The following CFI variants were observed in gnomAD, a reference collection of about 807,000 sequenced individuals.
CFI encodes C3B/C4B inactivator.
CFI carries 66 observed loss-of-function variants against 78.8 expected under a neutral mutation model. That is an observed-to-expected ratio of 0.84 (90% CI 0.69 to 1.03). CFI has a LOEUF of 1.03. CFI is among the 50% of genes least tolerant of loss of function. The pLI is 0.00. For synonymous variants in CFI, 250 were observed against 232.6 expected, an observed-to-expected ratio of 1.07 and a Z score of -0.68; for missense variants, 706 against 704.5, an observed-to-expected ratio of 1.00 and a Z score of -0.02.
At chr4:109,783,668 T>C (rs1264830912) in intron 1 of CFI, among the ~76,000 whole-genome samples, 2 of 151,814 alleles carry the variant, frequency 1.3e-5, no homozygotes, top group Non-Finnish European at 2.9e-5. Flanking sequence ...GCAATCCCGC[T>C]ACTGGGTATC....
At chr4:109,744,429 A>G (rs773456294) in intron 11 of CFI, among the ~76,000 whole-genome samples, 4 of 152,162 alleles carry the variant, frequency 2.6e-5, no homozygotes, top group Non-Finnish European at 5.9e-5. Context: ...TCCTGCCCTA[A>G]GAGCCTGACC....
downstream of CFI, among the ~76,000 whole-genome samples, chr4:109,738,887 C>T (rs1326222606): frequency 1.3e-5 from 2 of 152,178 alleles, no homozygotes; most frequent in African/African-American, 2.4e-5. Flanking sequence ...TAACCAAATA[C>T]TTTCCTGAAT....
Position 109,746,217 on chromosome 4 carries a change from T to C in CFI, c.1429+5A>G, listed in dbSNP as rs771786368. 5.0e-6 allele frequency: 8 copies of C among 1,614,098 alleles called. No homozygotes were observed. In the South Asian group the frequency reaches 7.7e-5, roughly 16 times the overall value. On this transcript the variant is annotated splice_donor_5th_base_variant and intron_variant, in intron 11 of 12. Transcript: ENST00000394634. ...CTTCTGATTAACAAACTGTAAAACA[T>C]ATACCTTTTTCTCGTCCCCAGCCAG...
At chr4:109,792,643 T>A (rs1046492022) in intron 1 of CFI, among the ~76,000 whole-genome samples, 1 of 152,190 alleles carries the variant, frequency 6.6e-6, no homozygotes, top group African/African-American at 2.4e-5. Flanking sequence ...TTTTCATTCA[T>A]ATCTTTTGGG....
chr4:109,733,233 A>C, the CFI span, among the ~76,000 whole-genome samples: 9 of 152,186 alleles, frequency 5.9e-5, no homozygotes, highest in Non-Finnish European at 1.5e-5. Context: ...TTGGCCTCCC[A>C]AAGTGCTGGG....
At chr4:109,795,036 T>C (rs1472480771) in intron 1 of CFI, among the ~76,000 whole-genome samples, 1 of 151,930 alleles carries the variant, frequency 6.6e-6, no homozygotes, top group East Asian at 1.9e-4. Flanking sequence ...GTGGAACAAA[T>C]ATATGAGAAA....
intron 1 of CFI, among the ~76,000 whole-genome samples, chr4:109,770,455 C>T (rs1728424889): frequency 6.6e-6 from 1 of 151,574 alleles, no homozygotes; most frequent in Admixed American, 6.6e-5. Flanking sequence ...CCTCAGGAGG[C>T]TGAGGTAGGA....
intron 10 of CFI, among the ~76,000 whole-genome samples, 166 bp downstream of exon 10, chr4:109,749,052 G>A (rs774691594): frequency 2.0e-5 from 3 of 152,122 alleles, no homozygotes; most frequent in Non-Finnish European, 2.9e-5. Context: ...AGATTCTACG[G>A]GATTAGCCTC....
intron 2 of CFI, 65 bp from the exon 3 acceptor site, chr4:109,764,755 T>A: frequency 7.0e-7 from 1 of 1,432,152 alleles, no homozygotes; most frequent in African/African-American, 1.4e-5. Context: ...TAATTAAAAG[T>A]CTTTAAAAAT....
Position 109,760,119 on chromosome 4 carries a change from A to G in CFI, c.883+151T>C, listed in dbSNP as rs1169037286. ...ATTTAGCGGATGAAAATATGAGGAGATGAACATTCCATAGTTCTGCAAATG... is the reference window on the plus strand; with the variant it reads ...ATTTAGCGGATGAAAATATGAGGAGGTGAACATTCCATAGTTCTGCAAATG... On this transcript the variant is annotated intron_variant, in intron 6 of 12. Coordinates refer to ENST00000394634, the MANE Select transcript of CFI (RefSeq NM_000204.5). The G allele has an allele frequency of 2.4e-5, 17 of 708,546 alleles. No homozygotes were observed. The East Asian group carries it at 4.3e-4, about 18-fold the overall frequency. The allele number at this position is 708,546 out of a possible 1,614,324, so 43.9% of individuals were successfully genotyped here. A position where few individuals can be genotyped will look rare whatever the true frequency, so the allele number is the denominator to read the frequency against.
intron 1 of CFI, among the ~76,000 whole-genome samples, chr4:109,798,308 T>A (rs1003537569): frequency 6.6e-6 from 1 of 152,186 alleles, no homozygotes; most frequent in African/African-American, 2.4e-5. Flanking sequence ...GAGCACAATT[T>A]CTTTGTTAAG....
At chr4:109,779,903 G>T (rs959225204) in intron 1 of CFI, among the ~76,000 whole-genome samples, 3 of 152,084 alleles carry the variant, frequency 2.0e-5, no homozygotes, top group African/African-American at 7.2e-5. Context: ...TTTAATAAAT[G>T]GTGCTGGGAA....
chr4:109,769,105 C>T (rs1472688471), intron 1 of CFI, among the ~76,000 whole-genome samples: 2 of 152,142 alleles, frequency 1.3e-5, no homozygotes, highest in Non-Finnish European at 2.9e-5. Flanking sequence ...TTATTTATCA[C>T]CTTTATATTG....
intron 2 of CFI, among the ~76,000 whole-genome samples, chr4:109,766,013 G>A (rs745337570): frequency 1.5e-4 from 23 of 152,176 alleles, no homozygotes; most frequent in Middle Eastern, 6.8e-3. Flanking sequence ...AGCTACTCAG[G>A]AGGCTGAGGC....
At chr4:109,738,507 A>C (rs147464649), downstream of CFI, among the ~76,000 whole-genome samples, 163 of 152,302 alleles carry the variant, frequency 1.1e-3, no homozygotes, top group African/African-American at 3.5e-3. Flanking sequence ...AAATATGTCC[A>C]TAAATTCTTT....
At chr4:109,733,761 A>T in the CFI span, among the ~76,000 whole-genome samples, 1 of 152,242 alleles carries the variant, frequency 6.6e-6, no homozygotes, top group Non-Finnish European at 1.5e-5. Flanking sequence ...TTGCGGGAAA[A>T]TTTTAAAAAT....
chr4:109,775,836 C>A (rs1737398319), intron 1 of CFI, among the ~76,000 whole-genome samples: 1 of 152,184 alleles, frequency 6.6e-6, no homozygotes, highest in South Asian at 2.1e-4. Flanking sequence ...GAAATATTTG[C>A]TGGTCTGTAG....
At chr4:109,801,217 T>A (rs1010120543) in intron 1 of CFI, among the ~76,000 whole-genome samples, 5 of 152,200 alleles carry the variant, frequency 3.3e-5, no homozygotes, top group Admixed American at 6.5e-5. Context: ...TCTGATCAAA[T>A]GGATTCATTT....
the CFI span, among the ~76,000 whole-genome samples, chr4:109,735,485 A>C: frequency 6.6e-5 from 10 of 152,218 alleles, no homozygotes; most frequent in Non-Finnish European, 1.5e-4. Flanking sequence ...GTTATTTTAA[A>C]TAACAAAAAT....
Sources: allele counts gnomAD v4.1 joint callset (sites outside exome capture counted in the v4.1 genomes callset), GRCh38; gene constraint gnomAD v4.1.1; transcripts MANE v1.5; gene names NCBI Gene and HGNC (gene_info 2026-07-23, HGNC 2026-07-21).